VRK3: variants seen among roughly 807,000 people sequenced by gnomAD.
VRK3 encodes the protein serine/threonine-protein kinase VRK3.
A neutral mutation model predicts 60.4 loss-of-function variants in VRK3; 50 were observed. The ratio of observed to expected loss-of-function variants is 0.83; its 90% CI spans 0.66 to 1.05. The LOEUF (loss-of-function observed/expected upper bound fraction) is 1.05, where lower values mean the gene tolerates loss of function less well. Among genes scored for constraint, VRK3 ranks in the 50% least tolerant of loss-of-function variants. The probability of loss-of-function intolerance (pLI) is 0.00; values close to 1 mark genes in which losing one functional copy is unlikely to be tolerated. For synonymous variants in VRK3, 246 were observed against 227.8 expected (o/e 1.08, Z -0.72); for missense variants, 549 against 585.3 (o/e 0.94, Z 0.64).
chr19:50,013,486 T>A (rs974070406), intron 3 of VRK3, among the ~76,000 whole-genome samples: 2 of 152,252 alleles, frequency 1.3e-5, no homozygotes, highest in African/African-American at 4.8e-5. Context: ...TAGCATTTTC[T>A]GTTATCTGCA....
rs941104168 is a variant in VRK3 at position 49,995,031 on chromosome 19, C to A, written c.765-112G>T. ...GCAAGGTCCTGGTCCCAGGTGAGAT[C>A]AAAGGTTCTGACTGGCTGGGCAGCA... On this transcript the variant is annotated intron_variant, in intron 8 of 14. Coordinates refer to ENST00000316763, the MANE Select transcript of VRK3 (RefSeq NM_016440.4). 11 of 1,293,268 alleles carry A rather than the reference C, an allele frequency of 8.5e-6. No individual in the cohort carries two copies. The Admixed American group carries it at 8.5e-5, about 10-fold the overall frequency. The allele number at this position is 1,293,268 out of a possible 1,614,324, so 80.1% of individuals were successfully genotyped here. A position where few individuals can be genotyped will look rare whatever the true frequency, so the allele number is the denominator to read the frequency against.
intron 10 of VRK3, among the ~76,000 whole-genome samples, chr19:49,990,396 ATTTAT>A (rs1324607358): frequency 7.2e-5 from 11 of 152,140 alleles, no homozygotes; most frequent in Non-Finnish European, 1.5e-4. Context: ...ATATCTACTT[ATTTAT>A]TTTGAGATGG....
At position 50,007,646 on chromosome 19, in the gene VRK3, A is replaced by C; in HGVS notation, c.470T>G (p.Val157Gly). ...CTGTCGCCCACTCTTGTCTGTCAGC[A>C]CTGTCCCTGTGGGCAAAGCTTCAAG... ...TSLEALPTGT[V>G]LTDKSGRQWK... is the part of the protein sequence containing the mutation. Residue 157 changes from valine (V) to glycine (G), a missense_variant, in exon 5 of 15, where the codon GTG (valine) becomes GGG (glycine). By Grantham distance (109) the Val-to-Gly change is moderately radical (BLOSUM62 -3). Coordinates refer to ENST00000316763, the MANE Select transcript of VRK3 (RefSeq NM_016440.4). 6.2e-7 allele frequency: 1 copy of C among 1,614,142 alleles called. No homozygotes were observed. The highest frequency in any genetic ancestry group is 8.5e-7 in the Non-Finnish European group (1 of 1,180,032).
At chr19:49,990,825 C>T (rs936220379) in intron 10 of VRK3, among the ~76,000 whole-genome samples, 15 of 151,720 alleles carry the variant, frequency 9.9e-5, no homozygotes, top group East Asian at 1.9e-4. Flanking sequence ...CACTGGGTCA[C>T]GCAGGTTGGA....
At chr19:49,995,886 T>C (rs894790756) in intron 7 of VRK3, among the ~76,000 whole-genome samples, 2 of 152,190 alleles carry the variant, frequency 1.3e-5, no homozygotes, top group Admixed American at 6.5e-5. Context: ...GTAGCTGGGA[T>C]TGCAGGCTTC....
intron 5 of VRK3, among the ~76,000 whole-genome samples, chr19:50,004,688 G>A (rs2076865393): frequency 6.6e-6 from 1 of 152,002 alleles, no homozygotes; most frequent in Admixed American, 6.6e-5. Context: ...CGGGAGGATC[G>A]CTTGAGCCCA....
chr19:49,985,487 T>C (rs1021784430), intron 12 of VRK3, among the ~76,000 whole-genome samples: 1 of 152,184 alleles, frequency 6.6e-6, no homozygotes, highest in African/African-American at 2.4e-5. Flanking sequence ...TAAAGCTTCA[T>C]GGTCCTTCAG....
intron 5 of VRK3, among the ~76,000 whole-genome samples, chr19:50,003,433 G>C (rs1448479960): frequency 6.6e-6 from 1 of 152,244 alleles, no homozygotes; most frequent in Admixed American, 6.5e-5. Flanking sequence ...GCGTGGGCCC[G>C]ACCCTGAGCT....
chr19:50,004,298 A>C (rs1600697922), intron 5 of VRK3, among the ~76,000 whole-genome samples: 1 of 145,754 alleles, frequency 6.9e-6, no homozygotes, highest in African/African-American at 2.6e-5. Context: ...CCCTCTCCCC[A>C]CCCTGCTCTC....
Position 49,987,406 on chromosome 19 carries a change from A to C in VRK3, c.1217+966T>G, listed in dbSNP as rs535674667. Among the ~76,000 whole-genome samples the C allele has an allele frequency of 3.3e-5, 5 of 151,834 alleles. 1 individual carries two copies. The highest frequency in any genetic ancestry group is 5.9e-5 in the Non-Finnish European group (4 of 67,986). On this transcript the variant is annotated intron_variant, in intron 12 of 14. Transcript: ENST00000316763. ...TTGTGCCCAGCTGCCTGCTGTCCCT[A>C]GTGCTGAACCCATACCCCTAGTGCT...
Position 49,981,989 on chromosome 19 carries a change from G to A in VRK3, c.1218-976C>T, listed in dbSNP as rs999495496. The A allele has an allele frequency of 7.2e-5, 46 of 640,186 alleles. 1 individual carries two copies. Among genetic ancestry groups the A allele is most frequent in the South Asian group, 5.0e-4 (27 of 54,530 alleles). The allele number at this position is 640,186 out of a possible 1,614,324, so 39.7% of individuals were successfully genotyped here. A position where few individuals can be genotyped will look rare whatever the true frequency, so the allele number is the denominator to read the frequency against. ...AGTTCAGTGGAATGTGGGGGCCAGC[G>A]GGGCCGTCAAGTAGGCTGTCTGTGG... is the stretch of plus-strand genomic sequence containing the variant. On this transcript the variant is annotated intron_variant, in intron 12 of 14. Coordinates refer to ENST00000316763, the MANE Select transcript of VRK3 (RefSeq NM_016440.4).
intron 12 of VRK3, among the ~76,000 whole-genome samples, chr19:49,981,410 TG>T (rs2076419863): frequency 6.6e-6 from 1 of 152,108 alleles, no homozygotes. Flanking sequence ...CCGGGTGTGG[TG>T]GCGGGTGCCT....
chr19:49,982,367 G>A (rs763472889), intron 12 of VRK3, among the ~76,000 whole-genome samples: 11 of 152,184 alleles, frequency 7.2e-5, no homozygotes, highest in Non-Finnish European at 1.6e-4. Flanking sequence ...TCACTATGTT[G>A]CCCATGCTGG....
At chr19:50,015,970 C>T (rs1408950718) in intron 3 of VRK3, 54 bp downstream of exon 3, 25 of 1,609,030 alleles carry the variant, frequency 1.6e-5, no homozygotes, top group South Asian at 1.1e-4. Context: ...CAGACACACA[C>T]GTGTATGCAC....
chr19:50,018,542 C>T (rs1420378281), intron 2 of VRK3, among the ~76,000 whole-genome samples: 1 of 152,112 alleles, frequency 6.6e-6, no homozygotes, highest in Non-Finnish European at 1.5e-5. Context: ...ATAAATCTGC[C>T]CTTCTGTTTT....
intron 3 of VRK3, among the ~76,000 whole-genome samples, chr19:50,012,013 C>T (rs1248439436): frequency 2.0e-5 from 3 of 151,260 alleles, no homozygotes; most frequent in South Asian, 2.1e-4. Flanking sequence ...CTCTTGTTGC[C>T]CAGGCTGGAG....
rs1297620228 is a variant in VRK3, at chr19:50,016,043, T to G, written c.120A>C (p.Pro40=). ...TCTTACCTTGGAAGGATGACACATG[T>G]GGATTGACAAAGGTCTGGGACCCTA... The part of the protein sequence containing the change: ...EHVGSQTFVN[P]HVSSFQGSKR... Residue 40 remains proline, a synonymous_variant, in exon 3 of 15, where the codon CCA becomes CCC. Coordinates refer to ENST00000316763, the MANE Select transcript of VRK3 (RefSeq NM_016440.4). The G allele has an allele frequency of 3.1e-6, 5 of 1,614,088 alleles. No individual in the cohort carries two copies. Among genetic ancestry groups the G allele is most frequent in the Non-Finnish European group, 4.2e-6 (5 of 1,179,996 alleles).
Position 49,992,849 on chromosome 19 carries a change from C to G in VRK3, c.963+11G>C. 1 of 1,613,750 alleles carries G rather than the reference C, an allele frequency of 6.2e-7. No homozygotes were observed. Among genetic ancestry groups the G allele is most frequent in the Non-Finnish European group, 8.5e-7 (1 of 1,179,734 alleles). On this transcript the variant is annotated intron_variant, in intron 10 of 14. Coordinates refer to ENST00000316763, the MANE Select transcript of VRK3 (RefSeq NM_016440.4). ...AGAGATCTTCCAGAGTGGGCAGGAG[C>G]TGGCTCTTACCTGACTCTGGTCCTC...
At chr19:50,009,629 T>C (rs533414997) in intron 3 of VRK3, among the ~76,000 whole-genome samples, 1 of 152,306 alleles carries the variant, frequency 6.6e-6, no homozygotes, top group South Asian at 2.1e-4. Flanking sequence ...TTCCACATAA[T>C]GTCTTTATAT....
Sources: allele counts gnomAD v4.1 joint callset (sites outside exome capture counted in the v4.1 genomes callset), GRCh38; gene constraint gnomAD v4.1.1; transcripts MANE v1.5; gene names NCBI Gene and HGNC (gene_info 2026-07-23, HGNC 2026-07-21).